The following SKA2 variants were observed in gnomAD, a reference collection of about 807,000 sequenced individuals.
SKA2 encodes the protein spindle and kinetochore associated complex subunit 2, also known as spindle and kinetochore-associated protein 2.
A neutral mutation model predicts 16.9 loss-of-function variants in SKA2; 13 were observed. The ratio of observed to expected loss-of-function variants is 0.77; its 90% CI spans 0.50 to 1.22. SKA2 has a LOEUF of 1.22. Ranked by LOEUF, SKA2 falls within the 50% of genes most tolerant of loss-of-function variation. SKA2 has a pLI of 0.00. For synonymous variants in SKA2, 47 were observed against 48.5 expected (o/e 0.97, Z 0.13); for missense variants, 107 against 139.7 (o/e 0.77, Z 1.18).
intron 1 of SKA2, among the ~76,000 whole-genome samples, chr17:59,132,813 G>T (rs1242608428): frequency 3.9e-5 from 6 of 152,026 alleles, no homozygotes; most frequent in African/African-American, 1.5e-4. Flanking sequence ...CTTTCAAAAG[G>T]TCATTTGTTT....
At chr17:59,142,616 A>G (rs1001729043) in intron 1 of SKA2, among the ~76,000 whole-genome samples, 9 of 149,856 alleles carry the variant, frequency 6.0e-5, no homozygotes, top group African/African-American at 2.2e-4. Flanking sequence ...TAATTTTTAT[A>G]TTTTAATATT....
intron 1 of SKA2, among the ~76,000 whole-genome samples, chr17:59,135,404 C>T (rs1238253553): frequency 6.6e-5 from 10 of 151,136 alleles, no homozygotes; most frequent in African/African-American, 2.4e-4. Context: ...GCACCCTCCA[C>T]CTCCCGGGTT....
intron 1 of SKA2, among the ~76,000 whole-genome samples, chr17:59,152,543 G>A (rs781697941): frequency 1.3e-5 from 2 of 151,976 alleles, no homozygotes; most frequent in African/African-American, 2.4e-5. Flanking sequence ...AAAATTTAAG[G>A]TATTAACAAA....
At chr17:59,123,021 CAAAAAAA>C (rs1197154280) in intron 2 of SKA2, among the ~76,000 whole-genome samples, 2 of 49,138 alleles carry the variant, frequency 4.1e-5, no homozygotes, top group South Asian at 8.0e-4. Flanking sequence ...AACCTTGTCT[CAAAAAAA>C]AAAAAAAAAA....
chr17:59,126,161 A>C (rs1396177556), intron 2 of SKA2, among the ~76,000 whole-genome samples: 1 of 151,544 alleles, frequency 6.6e-6, no homozygotes, highest in Admixed American at 6.6e-5. Flanking sequence ...ACAGAGCGAG[A>C]CTCCGTCTCA....
chr17:59,118,357 G>A (rs1313055476), intron 3 of SKA2: 1 of 152,144 alleles, frequency 6.6e-6, no homozygotes, highest in Non-Finnish European at 1.5e-5. Context: ...ATTATATCCA[G>A]TGGGGGAAAT....
intron 1 of SKA2, among the ~76,000 whole-genome samples, chr17:59,154,574 C>T (rs2046606647): frequency 6.6e-6 from 1 of 152,250 alleles, no homozygotes; most frequent in Non-Finnish European, 1.5e-5. Flanking sequence ...TTTGCCACCT[C>T]CGGATCAAAC....
chr17:59,140,351 C>A (rs1357439306), intron 1 of SKA2, among the ~76,000 whole-genome samples: 1 of 152,098 alleles, frequency 6.6e-6, no homozygotes, highest in East Asian at 1.9e-4. Flanking sequence ...GCCTCAGCCT[C>A]CCGAGTAGCT....
chr17:59,116,351 C>T (rs2046295835), intron 3 of SKA2, among the ~76,000 whole-genome samples: 1 of 151,960 alleles, frequency 6.6e-6, no homozygotes, highest in Non-Finnish European at 1.5e-5. Flanking sequence ...CCAGCCTCGG[C>T]GACAGAGGGA....
intron 3 of SKA2, 43 bp downstream of exon 3, chr17:59,119,276 A>G (rs1410854504): frequency 1.2e-6 from 2 of 1,602,172 alleles, no homozygotes; most frequent in Non-Finnish European, 1.7e-6. Flanking sequence ...CAACACTCAG[A>G]GCTAAAGCTA....
intron 2 of SKA2, among the ~76,000 whole-genome samples, chr17:59,122,687 G>A (rs1023174771): frequency 6.6e-6 from 1 of 152,140 alleles, no homozygotes; most frequent in African/African-American, 2.4e-5. Flanking sequence ...CTACTCGGGC[G>A]GCTAAGCAGG....
At chr17:59,141,053 T>C (rs1051996340) in intron 1 of SKA2, among the ~76,000 whole-genome samples, 4 of 151,992 alleles carry the variant, frequency 2.6e-5, no homozygotes, top group Non-Finnish European at 5.9e-5. Flanking sequence ...CGCCTCTGCC[T>C]CCCAAACTGC....
chr17:59,153,503 A>G (rs1312861162), intron 1 of SKA2, among the ~76,000 whole-genome samples: 1 of 152,198 alleles, frequency 6.6e-6, no homozygotes, highest in African/African-American at 2.4e-5. Context: ...CTTCAAATTA[A>G]ATTTGTATAT....
chr17:59,137,758 C>A (rs941343508), intron 1 of SKA2: 1 of 524,414 alleles, frequency 1.9e-6, no homozygotes. Context: ...CTTTCTGCAG[C>A]CTGCCCATTG....
At chr17:59,127,545 C>T (rs927532701) in intron 2 of SKA2, among the ~76,000 whole-genome samples, 3 of 152,078 alleles carry the variant, frequency 2.0e-5, no homozygotes, top group African/African-American at 7.2e-5. Flanking sequence ...CGTGCCACCA[C>T]GCCCGGCTAA....
intron 1 of SKA2, chr17:59,151,829 A>G (rs2147823538): frequency 6.5e-6 from 1 of 152,892 alleles, no homozygotes; most frequent in Middle Eastern, 3.4e-3. Flanking sequence ...AAGGGAATCA[A>G]TGTGCTCTAA....
intron 1 of SKA2, among the ~76,000 whole-genome samples, chr17:59,145,761 G>A (rs576668569): frequency 1.1e-4 from 17 of 152,220 alleles, no homozygotes; most frequent in African/African-American, 3.4e-4. Flanking sequence ...GGCTGAGGTA[G>A]GAGGATCATT....
intron 1 of SKA2, among the ~76,000 whole-genome samples, chr17:59,132,264 G>A (rs1219892979): frequency 2.0e-5 from 3 of 152,082 alleles, no homozygotes; most frequent in South Asian, 4.1e-4. Flanking sequence ...GCTGAGGCAG[G>A]AGAATCGCTT....
intron 1 of SKA2, among the ~76,000 whole-genome samples, chr17:59,142,948 A>AAG (rs1475905479): frequency 7.1e-4 from 106 of 149,704 alleles, no homozygotes; most frequent in Middle Eastern, 3.4e-3. Flanking sequence ...AAAAAAAAAA[A>AAG]AGAGAGAGAG....
Sources: gnomAD v4.1 joint callset for allele counts (sites outside exome capture counted in the v4.1 genomes callset) on GRCh38, gnomAD v4.1.1 for gene constraint, MANE v1.5 for transcripts, NCBI Gene and HGNC (gene_info 2026-07-23, HGNC 2026-07-21) for gene names.